Variants in MAGI2 observed in about 807,000 individuals in gnomAD.
The protein encoded by MAGI2 is membrane associated guanylate kinase, WW and PDZ domain containing 2, also known as membrane-associated guanylate kinase, WW and PDZ domain-containing protein 2.
In MAGI2, 35 loss-of-function variants were observed where a neutral mutation model predicts 133.3. That is an observed-to-expected ratio of 0.26 (90% CI 0.20 to 0.35). The LOEUF is 0.35. Among genes scored for constraint, MAGI2 ranks in the 10% least tolerant of loss-of-function variants. MAGI2 has a pLI of 1.00. For missense variants in MAGI2, 1,636 were observed against 1,863.4 expected, an observed-to-expected ratio of 0.88 and a Z score of 2.25; for synonymous variants, 729 against 710.6, an observed-to-expected ratio of 1.03 and a Z score of -0.41.
chr7:79,253,163 T>C (rs1018486661), intron 1 of MAGI2, among the ~76,000 whole-genome samples: 4 of 152,216 alleles, frequency 2.6e-5, no homozygotes, highest in Non-Finnish European at 5.9e-5. Context: ...TCATTTTTAT[T>C]ATATGAGCTT....
intron 2 of MAGI2, among the ~76,000 whole-genome samples, chr7:78,912,475 A>T (rs1273743867): frequency 6.6e-6 from 1 of 152,024 alleles, no homozygotes; most frequent in Non-Finnish European, 1.5e-5. Flanking sequence ...CCCACCCTTA[A>T]TCTGGGTGGG....
intron 4 of MAGI2, among the ~76,000 whole-genome samples, chr7:78,511,945 C>CA (rs953671940): frequency 6.7e-6 from 1 of 148,258 alleles, no homozygotes; most frequent in Non-Finnish European, 1.5e-5. Flanking sequence ...AAAAAAACAC[C>CA]AAAAAACAAA....
At chr7:78,340,630 TG>T (rs1360905363) in intron 9 of MAGI2, among the ~76,000 whole-genome samples, 1 of 152,202 alleles carries the variant, frequency 6.6e-6, no homozygotes, top group Non-Finnish European at 1.5e-5. Flanking sequence ...GCTTCATTCC[TG>T]GGATGCAAGG....
chr7:78,856,318 TC>T (rs1343304987), intron 2 of MAGI2, among the ~76,000 whole-genome samples: 1 of 152,212 alleles, frequency 6.6e-6, no homozygotes, highest in Non-Finnish European at 1.5e-5. Flanking sequence ...AGACATGAAG[TC>T]CTTGCACATG....
At chr7:78,866,787 G>A (rs1794596052) in intron 2 of MAGI2, among the ~76,000 whole-genome samples, 2 of 152,050 alleles carry the variant, frequency 1.3e-5, no homozygotes. Flanking sequence ...CAGAAAGGGG[G>A]ACAGAGAAAA....
At chr7:79,419,319 A>G (rs1846769480) in intron 1 of MAGI2, among the ~76,000 whole-genome samples, 1 of 152,086 alleles carries the variant, frequency 6.6e-6, no homozygotes, top group African/African-American at 2.4e-5. Flanking sequence ...TGCTGCCATC[A>G]TAGAATGCAG....
At chr7:79,176,186 C>T (rs749973829) in intron 1 of MAGI2, among the ~76,000 whole-genome samples, 10 of 151,962 alleles carry the variant, frequency 6.6e-5, no homozygotes, top group Non-Finnish European at 8.8e-5. Flanking sequence ...TCATGATGCC[C>T]ACTCGAATAT....
intron 21 of MAGI2, among the ~76,000 whole-genome samples, chr7:78,032,040 G>A (rs905534024): frequency 2.9e-5 from 4 of 136,140 alleles, no homozygotes; most frequent in Admixed American, 8.0e-5. Context: ...TTACAATTCC[G>A]GCTGTTTAAA....
intron 13 of MAGI2, among the ~76,000 whole-genome samples, chr7:78,178,411 T>C (rs1826867913): frequency 1.3e-5 from 2 of 152,176 alleles, no homozygotes; most frequent in Non-Finnish European, 2.9e-5. Context: ...CCTGAGAGCA[T>C]TCAGATTGCC....
intron 2 of MAGI2, among the ~76,000 whole-genome samples, chr7:78,685,329 C>T (rs1816159318): frequency 2.6e-5 from 4 of 152,118 alleles, no homozygotes; most frequent in Admixed American, 2.6e-4. Context: ...TTGGATCATT[C>T]TCAAGTGTCC....
intron 9 of MAGI2, among the ~76,000 whole-genome samples, chr7:78,273,916 C>T (rs1009218909): frequency 2.6e-5 from 4 of 152,012 alleles, no homozygotes; most frequent in Admixed American, 2.6e-4. Flanking sequence ...CTAATACCTA[C>T]CTTCTGAAGT....
rs182713405 is a variant in MAGI2, at chr7:78,790,416, C to T, written c.419-163177G>A. On this transcript the variant is annotated intron_variant, in intron 2 of 21. Coordinates refer to ENST00000354212, the MANE Select transcript of MAGI2 (RefSeq NM_012301.4). Reference sequence around the variant, plus strand: ...AAGATTTCTGTTGAAATTTAGATCACTTTGCCTTCCTGGAGTTCAGATTTT... The same window carrying T: ...AAGATTTCTGTTGAAATTTAGATCATTTTGCCTTCCTGGAGTTCAGATTTT... Among the ~76,000 whole-genome samples the T allele has an allele frequency of 8.9e-4, 136 of 152,210 alleles. 2 individuals are homozygous for T. In the Middle Eastern group the frequency reaches 0.014, roughly 15 times the overall value.
chr7:78,368,435 C>G (rs1793600752), intron 7 of MAGI2, among the ~76,000 whole-genome samples: 1 of 152,036 alleles, frequency 6.6e-6, no homozygotes, highest in Non-Finnish European at 1.5e-5. Context: ...GTTATTCACC[C>G]AAATAACTTT....
chr7:78,053,726 C>T (rs991307831), intron 21 of MAGI2, among the ~76,000 whole-genome samples: 1 of 152,110 alleles, frequency 6.6e-6, no homozygotes, highest in African/African-American at 2.4e-5. Context: ...TAGAAGTGCC[C>T]ATTTATTGGG....
intron 2 of MAGI2, among the ~76,000 whole-genome samples, chr7:78,716,266 C>T (rs1819692212): frequency 6.6e-6 from 1 of 152,140 alleles, no homozygotes; most frequent in African/African-American, 2.4e-5. Flanking sequence ...ACCCTTTCTT[C>T]CAGGAAAAGT....
In MAGI2 at chr7:79,397,014, A is replaced by T. The variant is rs372790940; in HGVS notation, c.301+56006T>A. Among the ~76,000 whole-genome samples, 4 of 151,768 alleles carry T rather than the reference A, an allele frequency of 2.6e-5. No homozygotes were observed. In the East Asian group the frequency reaches 7.7e-4, roughly 29 times the overall value. ...ATTCTTTCTTTATATCCCCACTAAA[A>T]ATGCAAACATTTTTTCTTACTTTTC... On this transcript the variant is annotated intron_variant, in intron 1 of 21. Transcript: ENST00000354212.
At chr7:78,277,238 G>A (rs185453490) in intron 9 of MAGI2, among the ~76,000 whole-genome samples, 107 of 152,116 alleles carry the variant, frequency 7.0e-4, no homozygotes, top group Admixed American at 4.1e-3. Context: ...GATTTAGCAA[G>A]GAAAATTATC....
At chr7:78,294,077 T>TA (rs34000848) in intron 9 of MAGI2, among the ~76,000 whole-genome samples, 42,955 of 151,946 alleles carry the variant, frequency 0.28, 6,357 homozygotes, top group African/African-American at 0.34. Flanking sequence ...TAAAGTATAA[T>TA]AAAAAAATAT....
At chr7:78,669,072 G>A (rs915576500) in intron 2 of MAGI2, among the ~76,000 whole-genome samples, 4 of 152,070 alleles carry the variant, frequency 2.6e-5, no homozygotes, top group East Asian at 1.9e-4. Flanking sequence ...ACTAAGATCC[G>A]AGCAGAACTG....
Sources: gnomAD v4.1 joint callset for allele counts (sites outside exome capture counted in the v4.1 genomes callset) on GRCh38, gnomAD v4.1.1 for gene constraint, MANE v1.5 for transcripts, NCBI Gene and HGNC (gene_info 2026-07-23, HGNC 2026-07-21) for gene names.